SCARA3: variants seen among roughly 807,000 people sequenced by gnomAD.
The protein encoded by SCARA3 is cellular stress response gene protein.
In SCARA3, 39 loss-of-function variants were observed where a neutral mutation model predicts 47.0. The ratio of observed to expected loss-of-function variants is 0.83; its 90% CI spans 0.64 to 1.08. The LOEUF (loss-of-function observed/expected upper bound fraction) is 1.08, where lower values mean the gene tolerates loss of function less well. Among genes scored for constraint, SCARA3 ranks in the 50% least tolerant of loss-of-function variants. The pLI is 0.00. For synonymous variants in SCARA3, 356 were observed against 334.1 expected, an observed-to-expected ratio of 1.07 and a Z score of -0.71; for missense variants, 724 against 792.3, an observed-to-expected ratio of 0.91 and a Z score of 1.04.
the SCARA3 span, among the ~76,000 whole-genome samples, chr8:27,690,098 T>C: frequency 3.3e-5 from 5 of 152,188 alleles, no homozygotes; most frequent in African/African-American, 1.2e-4. Flanking sequence ...CTGTGTTACT[T>C]TGGAATTTCT....
chr8:27,719,385 G>A, the SCARA3 span, among the ~76,000 whole-genome samples: 1 of 152,176 alleles, frequency 6.6e-6, no homozygotes, highest in African/African-American at 2.4e-5. Flanking sequence ...TTCAGAGGGT[G>A]AAGAGTGGGA....
At chr8:27,641,215 C>T (rs1801374549) in intron 1 of SCARA3, among the ~76,000 whole-genome samples, 1 of 152,226 alleles carries the variant, frequency 6.6e-6, no homozygotes, top group South Asian at 2.1e-4. Context: ...AGTCAAAGGG[C>T]ACTCGCCCTT....
At position 27,660,561 on chromosome 8, in the gene SCARA3, AATAG is replaced by A. The variant is rs1388898437; in HGVS notation, c.1369+1033_1369+1036del. Among the ~76,000 whole-genome samples the A allele has an allele frequency of 2.0e-4, 28 of 142,398 alleles. No individual in the cohort carries two copies. The East Asian group carries it at 4.2e-3, about 21-fold the overall frequency. The allele number at this position is 142,398 out of a possible 152,430, so 93.4% of individuals were successfully genotyped here. A position where few individuals can be genotyped will look rare whatever the true frequency, so the allele number is the denominator to read the frequency against. ...TAGATAGATAGATAGATAGATAGAT[AATAG>A]ATAGATAGATGATAGATAGATCCAG... is the stretch of plus-strand genomic sequence containing the variant. On this transcript the variant is annotated intron_variant, in intron 5 of 5. Coordinates refer to ENST00000301904, the MANE Select transcript of SCARA3 (RefSeq NM_016240.3).
chr8:27,638,711 G>T (rs1801314146), intron 1 of SCARA3, among the ~76,000 whole-genome samples: 1 of 152,154 alleles, frequency 6.6e-6, no homozygotes, highest in South Asian at 2.1e-4. Flanking sequence ...AAGCTACAAA[G>T]AGCTCAGATG....
the SCARA3 span, among the ~76,000 whole-genome samples, chr8:27,719,085 T>C: frequency 6.6e-6 from 1 of 152,182 alleles, no homozygotes; most frequent in African/African-American, 2.4e-5. Flanking sequence ...GTGGAGGTTT[T>C]GACAAAAGAG....
chr8:27,647,647 A>G (rs1801535089), intron 1 of SCARA3, among the ~76,000 whole-genome samples: 5 of 152,220 alleles, frequency 3.3e-5, no homozygotes, highest in Admixed American at 3.3e-4. Context: ...CCGCATGGAC[A>G]GGAGAGGAGC....
chr8:27,702,347 A>C, the SCARA3 span: 1 of 151,376 alleles, frequency 6.6e-6, no homozygotes, highest in Non-Finnish European at 1.5e-5. Context: ...CAAGTGGCCC[A>C]CAGTTTCCTT....
the SCARA3 span, among the ~76,000 whole-genome samples, chr8:27,718,906 C>T: frequency 6.6e-6 from 1 of 152,208 alleles, no homozygotes; most frequent in African/African-American, 2.4e-5. Context: ...ACAATGATCA[C>T]TTTCTTTCCC....
chr8:27,647,374 C>T (rs1163788113), intron 1 of SCARA3, among the ~76,000 whole-genome samples: 3 of 152,146 alleles, frequency 2.0e-5, no homozygotes, highest in African/African-American at 7.2e-5. Flanking sequence ...AGTCCTAAAC[C>T]CCAGGTCTCC....
downstream of SCARA3, among the ~76,000 whole-genome samples, chr8:27,674,118 C>CAA (rs1309159807): frequency 1.3e-5 from 2 of 152,216 alleles, no homozygotes; most frequent in African/African-American, 2.4e-5. Context: ...CGTAAGTCAT[C>CAA]AAACTGCTCT....
chr8:27,673,703 A>G (rs1585301857), downstream of SCARA3, among the ~76,000 whole-genome samples: 1 of 151,856 alleles, frequency 6.6e-6, no homozygotes, highest in African/African-American at 2.4e-5. Context: ...TGTCCACAGC[A>G]CCTGACAATG....
Position 27,671,337 on chromosome 8 carries a change from C to T in SCARA3, c.1807C>T (p.Gln603Ter). 7.0e-7 allele frequency: 1 copy of T among 1,425,586 alleles called. No homozygotes were observed. Among genetic ancestry groups the T allele is most frequent in the Non-Finnish European group, 9.2e-7 (1 of 1,090,640 alleles). 88.3% of individuals were successfully genotyped at this position (1,425,586 alleles called of 1,614,324 possible). Reference sequence around the variant, plus strand: ...GGGGCCTCCAGGTCCACCAGGAAGCCAGAGCTTCTACTGAGGAGGGCTGTG... The same window carrying T: ...GGGGCCTCCAGGTCCACCAGGAAGCTAGAGCTTCTACTGAGGAGGGCTGTG... ...LPGPPGPPGS[Q>*]SFY Residue 603 changes from glutamine (Q) to a stop codon, truncating the protein, a stop_gained, in exon 6 of 6, where the codon CAG (glutamine) becomes TAG (stop). Transcript: ENST00000301904. LOFTEE classifies it high-confidence loss of function.
the SCARA3 span, among the ~76,000 whole-genome samples, chr8:27,711,530 T>C: frequency 3.3e-5 from 5 of 152,182 alleles, no homozygotes; most frequent in African/African-American, 9.7e-5. Flanking sequence ...CTGTCTTACA[T>C]CTGGAATCCA....
intron 3 of SCARA3, among the ~76,000 whole-genome samples, chr8:27,652,492 C>A (rs1251255569): frequency 6.6e-6 from 1 of 152,150 alleles, no homozygotes; most frequent in Middle Eastern, 3.2e-3. Flanking sequence ...GAGAGGCAGT[C>A]GAGGCTCCGA....
the SCARA3 span, among the ~76,000 whole-genome samples, chr8:27,686,758 C>G: frequency 6.6e-6 from 1 of 152,208 alleles, no homozygotes; most frequent in African/African-American, 2.4e-5. Context: ...ACACCCTCTT[C>G]TTAGGTAACA....
At chr8:27,689,818 T>C in the SCARA3 span, among the ~76,000 whole-genome samples, 1 of 152,086 alleles carries the variant, frequency 6.6e-6, no homozygotes, top group East Asian at 1.9e-4. Context: ...TTTATGTATT[T>C]ATCATGAGCA....
In SCARA3 at chr8:27,664,847, C is replaced by T. The variant is rs184948080; in HGVS notation, c.1369+5308C>T. 1.5e-3 allele frequency among the ~76,000 whole-genome samples: 225 copies of T among 152,234 alleles called. 1 individual carries two copies. Among genetic ancestry groups the T allele is most frequent in the South Asian group, 2.7e-3 (13 of 4,808 alleles). ...AAACGGGGCATCTGTTTGAGCTACA[C>T]CTGAGTCTTGGTTCAACGTCTGCAC... On this transcript the variant is annotated intron_variant, in intron 5 of 5. Transcript: ENST00000301904.
chr8:27,660,399 G>T (rs1563409958), intron 5 of SCARA3, among the ~76,000 whole-genome samples: 1 of 151,950 alleles, frequency 6.6e-6, no homozygotes, highest in Non-Finnish European at 1.5e-5. Flanking sequence ...ATAGTGTATA[G>T]ATAGATGGAT....
chr8:27,695,350 G>T, the SCARA3 span, among the ~76,000 whole-genome samples: 2 of 152,208 alleles, frequency 1.3e-5, no homozygotes, highest in African/African-American at 2.4e-5. Context: ...ATACAGTCAA[G>T]ACAAGTTCAA....
Sources: allele counts gnomAD v4.1 joint callset (sites outside exome capture counted in the v4.1 genomes callset), GRCh38; gene constraint gnomAD v4.1.1; transcripts MANE v1.5; gene names NCBI Gene and HGNC (gene_info 2026-07-23, HGNC 2026-07-21).